Variants in VPS13B observed in about 807,000 individuals in gnomAD.
The protein encoded by VPS13B is vacuolar protein sorting 13 homolog B.
In VPS13B, 285 loss-of-function variants were observed where a neutral mutation model predicts 426.4. The observed-to-expected ratio is 0.67, with a 90% confidence interval of 0.61 to 0.74. VPS13B has a LOEUF of 0.74. VPS13B is among the 30% of genes least tolerant of loss of function. The pLI is 0.00. For missense variants in VPS13B, 4,537 were observed against 4,782.6 expected (o/e 0.95, Z 1.51); for synonymous variants, 1,676 against 1,676.4 (o/e 1.00, Z 0.01).
At chr8:99,457,324 G>A (rs558098615) in intron 23 of VPS13B, among the ~76,000 whole-genome samples, 4 of 152,210 alleles carry the variant, frequency 2.6e-5, no homozygotes, top group South Asian at 2.1e-4. Context: ...GAGCCACTGC[G>A]CCCAGCCAGT....
At chr8:99,703,474 T>G (rs982926100) in intron 36 of VPS13B, among the ~76,000 whole-genome samples, 8 of 152,140 alleles carry the variant, frequency 5.3e-5, no homozygotes, top group Non-Finnish European at 1.0e-4. Flanking sequence ...TTTTTAAGGT[T>G]GGTGTATAAT....
intron 40 of VPS13B, among the ~76,000 whole-genome samples, chr8:99,771,560 G>A (rs1340041101): frequency 6.6e-6 from 1 of 152,230 alleles, no homozygotes; most frequent in Non-Finnish European, 1.5e-5. Flanking sequence ...ATATATGAGT[G>A]TGTGAATGTG....
At chr8:99,269,667 C>T (rs1384024411) in intron 17 of VPS13B, among the ~76,000 whole-genome samples, 1 of 152,142 alleles carries the variant, frequency 6.6e-6, no homozygotes, top group Admixed American at 6.5e-5. Flanking sequence ...CTTTTTGTTT[C>T]ACCACATTGC....
intron 51 of VPS13B, among the ~76,000 whole-genome samples, chr8:99,827,856 G>A (rs1814788659): frequency 6.6e-6 from 1 of 152,176 alleles, no homozygotes; most frequent in African/African-American, 2.4e-5. Flanking sequence ...TAGTCATTCA[G>A]GAGCAGGTTG....
At chr8:99,536,610 C>G (rs994164426) in intron 30 of VPS13B, 1 of 530,590 alleles carries the variant, frequency 1.9e-6, no homozygotes, top group Non-Finnish European at 3.9e-6. Flanking sequence ...ATCCTGGGAC[C>G]CCATTATCCT....
At chr8:99,029,816 G>A (rs1406955008) in intron 2 of VPS13B, among the ~76,000 whole-genome samples, 2 of 149,390 alleles carry the variant, frequency 1.3e-5, no homozygotes, top group Admixed American at 1.3e-4. Flanking sequence ...AGACGGAGAG[G>A]GAGAGGGAGA....
Position 99,577,488 on chromosome 8 carries a change from A to G in VPS13B, c.5077-2A>G. On this transcript the variant is annotated splice_acceptor_variant, in intron 32 of 61. Coordinates refer to ENST00000357162, the MANE Select transcript of VPS13B (RefSeq NM_152564.5). LOFTEE classifies it high-confidence loss of function. ...ATCTGTATTCTACCGTTTTTGCTTC[A>G]GGAGATTTTAGTGTGTGGCCATTCC... 1.9e-6 allele frequency: 3 copies of G among 1,613,680 alleles called. No individual in the cohort carries two copies. The highest frequency in any genetic ancestry group is 2.5e-6 in the Non-Finnish European group (3 of 1,179,620).
chr8:99,805,242 CAAAA>C (rs60211650), intron 43 of VPS13B, among the ~76,000 whole-genome samples: 2 of 133,844 alleles, frequency 1.5e-5, no homozygotes, highest in Admixed American at 1.5e-4. Context: ...CTATAAAATG[CAAAA>C]AAAAAAATAC....
chr8:99,270,311 A>T (rs1215654918), intron 17 of VPS13B, among the ~76,000 whole-genome samples: 2 of 150,468 alleles, frequency 1.3e-5, no homozygotes, highest in African/African-American at 4.9e-5. Flanking sequence ...GCTAATTTTT[A>T]TACTTTTAGT....
intron 17 of VPS13B, among the ~76,000 whole-genome samples, chr8:99,228,004 A>G (rs1457755242): frequency 3.9e-5 from 6 of 152,030 alleles, no homozygotes; most frequent in Non-Finnish European, 5.9e-5. Context: ...TCTCTCTTGG[A>G]CTCATTTCCA....
intron 21 of VPS13B, among the ~76,000 whole-genome samples, chr8:99,401,015 A>G (rs572181880): frequency 1.2e-3 from 177 of 152,304 alleles, no homozygotes; most frequent in African/African-American, 4.1e-3. Flanking sequence ...ACTTTGTTAT[A>G]ACAACTTATA....
chr8:99,696,077 T>C, intron 35 of VPS13B: 1 of 155,192 alleles, frequency 6.4e-6, no homozygotes, highest in Non-Finnish European at 1.4e-5. Flanking sequence ...CCATGGCTGT[T>C]AGGCCTTGAG....
chr8:99,519,395 A>G (rs1442896059), intron 29 of VPS13B, among the ~76,000 whole-genome samples: 1 of 152,170 alleles, frequency 6.6e-6, no homozygotes, highest in Non-Finnish European at 1.5e-5. Flanking sequence ...TCAGTGTGGC[A>G]ATTCCTCAGG....
At chr8:99,064,449 T>C (rs1367738955) in intron 3 of VPS13B, among the ~76,000 whole-genome samples, 1 of 152,174 alleles carries the variant, frequency 6.6e-6, no homozygotes, top group Non-Finnish European at 1.5e-5. Context: ...GCATGAGAAC[T>C]ATGTGAAATA....
chr8:99,267,102 AGGACAGGAAG>A (rs1339613858), intron 17 of VPS13B, among the ~76,000 whole-genome samples: 1 of 152,200 alleles, frequency 6.6e-6, no homozygotes, highest in Non-Finnish European at 1.5e-5. Flanking sequence ...GAAGGCTCAC[AGGACAGGAAG>A]ATCTGGGAAA....
At chr8:99,681,865 A>G (rs1311060605) in intron 35 of VPS13B, among the ~76,000 whole-genome samples, 5 of 152,200 alleles carry the variant, frequency 3.3e-5, no homozygotes, top group African/African-American at 1.2e-4. Context: ...ACATAACCTT[A>G]TAGGAAAGAT....
At chr8:99,763,536 T>TA (rs1482620565) in intron 39 of VPS13B, among the ~76,000 whole-genome samples, 4 of 152,152 alleles carry the variant, frequency 2.6e-5, no homozygotes, top group East Asian at 1.9e-4. Context: ...ATTCCCATTT[T>TA]AAAAAAATTA....
chr8:99,126,900 C>G (rs1444038740), intron 8 of VPS13B, among the ~76,000 whole-genome samples: 1 of 152,034 alleles, frequency 6.6e-6, no homozygotes, highest in Non-Finnish European at 1.5e-5. Flanking sequence ...TCCAGACCAG[C>G]CATGCAAATA....
chr8:99,290,930 C>T (rs1238770591), intron 19 of VPS13B, among the ~76,000 whole-genome samples: 2 of 152,054 alleles, frequency 1.3e-5, no homozygotes, highest in Non-Finnish European at 2.9e-5. Context: ...AAAGCTCCCT[C>T]AGATTAAAAC....
Sources: allele counts gnomAD v4.1 joint callset (sites outside exome capture counted in the v4.1 genomes callset), GRCh38; gene constraint gnomAD v4.1.1; transcripts MANE v1.5; gene names NCBI Gene and HGNC (gene_info 2026-07-23, HGNC 2026-07-21).